The following GRID2 variants were observed in gnomAD, a reference collection of about 807,000 sequenced individuals.
GRID2 encodes glutamate receptor ionotropic, delta-2.
In GRID2, 33 loss-of-function variants were observed where a neutral mutation model predicts 114.8. The observed-to-expected ratio is 0.29, with a 90% CI of 0.22 to 0.38. GRID2 has a LOEUF of 0.38. Ranked by LOEUF, GRID2 falls within the 10% of genes least tolerant of loss-of-function variation. The pLI is 1.00. For missense variants in GRID2, 1,184 were observed against 1,257.7 expected (o/e 0.94, Z 0.89); for synonymous variants, 505 against 449.9 (o/e 1.12, Z -1.55).
intron 13 of GRID2, among the ~76,000 whole-genome samples, chr4:93,584,113 A>T (rs1172511456): frequency 6.6e-6 from 1 of 152,188 alleles, no homozygotes; most frequent in African/African-American, 2.4e-5. Flanking sequence ...ACTGTTTCTG[A>T]GTAAAATATA....
chr4:92,555,730 T>C (rs888075042), intron 1 of GRID2, among the ~76,000 whole-genome samples: 7 of 152,174 alleles, frequency 4.6e-5, no homozygotes, highest in East Asian at 3.9e-4. Flanking sequence ...ATGTTGAGGA[T>C]GGAGTTATCT....
At chr4:92,519,886 A>C (rs953663620) in intron 1 of GRID2, among the ~76,000 whole-genome samples, 6 of 151,836 alleles carry the variant, frequency 4.0e-5, no homozygotes, top group Non-Finnish European at 7.4e-5. Flanking sequence ...TCTCTTACTC[A>C]GTCCTTTGGA....
chr4:92,739,812 T>G (rs1386462625), intron 2 of GRID2, among the ~76,000 whole-genome samples: 1 of 152,176 alleles, frequency 6.6e-6, no homozygotes, highest in East Asian at 1.9e-4. Flanking sequence ...CATTTCGACA[T>G]AATTAAGTCT....
chr4:93,782,468 A>C (rs1179390820), intron 1 of GRID2, among the ~76,000 whole-genome samples: 3 of 152,172 alleles, frequency 2.0e-5, no homozygotes, highest in African/African-American at 7.2e-5. Context: ...TCAACGTGAG[A>C]GTTCAGAAAG....
intron 4 of GRID2, among the ~76,000 whole-genome samples, chr4:93,167,934 C>A (rs1017495292): frequency 2.0e-5 from 3 of 152,024 alleles, no homozygotes; most frequent in Non-Finnish European, 4.4e-5. Flanking sequence ...TGGCTCACAC[C>A]TGTATTCCCA....
intron 2 of GRID2, among the ~76,000 whole-genome samples, chr4:92,636,889 A>G (rs944686662): frequency 6.6e-6 from 1 of 151,762 alleles, no homozygotes; most frequent in Admixed American, 6.6e-5. Context: ...TTTTAATTTT[A>G]TTTGTAAGAG....
chr4:92,682,005 C>T lies in GRID2; in HGVS notation c.244+91719C>T, dbSNP rs538039802. 2.6e-5 allele frequency among the ~76,000 whole-genome samples: 4 copies of T among 151,014 alleles called. No homozygotes were observed. In the South Asian group the frequency reaches 8.4e-4, roughly 32 times the overall value. Reference sequence around the variant, plus strand: ...GTCTTTTATAGAGGTTAAAAAAGAACATACATATTCAAAGGAGAGTAAATA... The same window carrying T: ...GTCTTTTATAGAGGTTAAAAAAGAATATACATATTCAAAGGAGAGTAAATA... On this transcript the variant is annotated intron_variant, in intron 2 of 15. Transcript: ENST00000282020.
intron 9 of GRID2, among the ~76,000 whole-genome samples, chr4:93,407,723 T>TCTCCTCCTCCTCCTC (rs1190711082): frequency 4.0e-4 from 26 of 64,222 alleles, no homozygotes; most frequent in East Asian, 2.9e-3. Flanking sequence ...TCCTCCTCCT[T>TCTCCTCCTCCTCCTC]CTCCTCCTCC....
chr4:93,414,685 T>TTATATATATA (rs34416042), intron 9 of GRID2, among the ~76,000 whole-genome samples: 6,224 of 140,388 alleles, frequency 0.044, 336 homozygotes, highest in African/African-American at 0.12. Flanking sequence ...ATCTGACATT[T>TTATATATATA]TATATATATA....
chr4:92,876,666 C>G (rs1485072674), intron 2 of GRID2, among the ~76,000 whole-genome samples: 2 of 152,090 alleles, frequency 1.3e-5, no homozygotes, highest in African/African-American at 4.8e-5. Context: ...TCTTATCTAC[C>G]AGGAAAATGG....
chr4:92,466,655 T>C (rs906332762), intron 1 of GRID2, among the ~76,000 whole-genome samples: 2 of 152,018 alleles, frequency 1.3e-5, no homozygotes, highest in Non-Finnish European at 2.9e-5. Context: ...CAGTTAGCTT[T>C]TGTTTAGCTT....
chr4:92,915,316 A>AT (rs1748696151), intron 2 of GRID2, among the ~76,000 whole-genome samples: 1 of 152,152 alleles, frequency 6.6e-6, no homozygotes, highest in South Asian at 2.1e-4. Flanking sequence ...GTTTCAAAAC[A>AT]TCTAGATGTC....
intron 2 of GRID2, among the ~76,000 whole-genome samples, chr4:92,668,191 G>T (rs1346096178): frequency 6.6e-6 from 1 of 151,798 alleles, no homozygotes; most frequent in Non-Finnish European, 1.5e-5. Context: ...AAAATTAATT[G>T]AGTATAATTC....
chr4:93,352,825 G>T (rs1437854967), intron 8 of GRID2, among the ~76,000 whole-genome samples: 1 of 151,980 alleles, frequency 6.6e-6, no homozygotes, highest in African/African-American at 2.4e-5. Flanking sequence ...ACATGGTGGG[G>T]TACAATGGAG....
intron 2 of GRID2, among the ~76,000 whole-genome samples, chr4:92,786,148 C>G (rs1739311489): frequency 6.6e-6 from 1 of 151,776 alleles, no homozygotes; most frequent in Non-Finnish European, 1.5e-5. Context: ...TTCTTTTAAC[C>G]TTGCCTAAAA....
rs192993184 is a variant in GRID2 at position 92,919,784 on chromosome 4, T to C, written c.245-165211T>C. Among the ~76,000 whole-genome samples, 789 of 152,298 alleles carry C rather than the reference T, an allele frequency of 5.2e-3. 5 individuals carry two copies. The highest frequency in any genetic ancestry group is 0.018 in the African/African-American group (754 of 41,558). Reference sequence around the variant, plus strand: ...GCTTTACTTCCAAGTATGTGGTCAATTTTGGAATAGGTGTGGTGTGGTGCT... The same window carrying C: ...GCTTTACTTCCAAGTATGTGGTCAACTTTGGAATAGGTGTGGTGTGGTGCT... On this transcript the variant is annotated intron_variant, in intron 2 of 15. Coordinates refer to ENST00000282020, the MANE Select transcript of GRID2 (RefSeq NM_001510.4).
chr4:92,896,503 T>C (rs1747173254), intron 2 of GRID2, among the ~76,000 whole-genome samples: 1 of 151,676 alleles, frequency 6.6e-6, no homozygotes, highest in African/African-American at 2.4e-5. Flanking sequence ...ATCATATATA[T>C]CTATCTTTAT....
At chr4:92,944,689 C>A (rs1751481065) in intron 2 of GRID2, among the ~76,000 whole-genome samples, 1 of 152,166 alleles carries the variant, frequency 6.6e-6, no homozygotes, top group Non-Finnish European at 1.5e-5. Flanking sequence ...CCTATTTGGC[C>A]ATCTTCAATA....
At chr4:93,403,157 A>G (rs1183571641) in intron 9 of GRID2, among the ~76,000 whole-genome samples, 2 of 152,158 alleles carry the variant, frequency 1.3e-5, no homozygotes, top group Non-Finnish European at 2.9e-5. Context: ...AATAAATAAT[A>G]AAGTTTGGTT....
Sources: gnomAD v4.1 joint callset for allele counts (sites outside exome capture counted in the v4.1 genomes callset) on GRCh38, gnomAD v4.1.1 for gene constraint, MANE v1.5 for transcripts, NCBI Gene and HGNC (gene_info 2026-07-23, HGNC 2026-07-21) for gene names.